PRSS12: variants seen among roughly 807,000 people sequenced by gnomAD.
PRSS12 encodes serine protease 12.
PRSS12 carries 85 observed loss-of-function variants against 104.4 expected under a neutral mutation model. That is an observed-to-expected ratio of 0.81 (90% CI 0.68 to 0.98). PRSS12 has a LOEUF of 0.98. PRSS12 is among the 50% of genes least tolerant of loss of function. The pLI is 0.00. For missense variants in PRSS12, 1,141 were observed against 1,139.2 expected (o/e 1.00, Z -0.02); for synonymous variants, 454 against 425.2 (o/e 1.07, Z -0.83).
chr4:118,316,837 A>AAAAAAAAATATATAT (rs35698159), intron 5 of PRSS12, among the ~76,000 whole-genome samples: 6 of 99,190 alleles, frequency 6.0e-5, no homozygotes, highest in East Asian at 5.6e-4. Context: ...AAAAAAAAAA[A>AAAAAAAAATATATAT]ATATATATAT....
rs772363853 is a variant in PRSS12 at position 118,313,256 on chromosome 4, G to A, written c.1434C>T (p.Arg478=). 23 of 1,613,906 alleles carry A rather than the reference G, an allele frequency of 1.4e-5. No homozygotes were observed. The highest frequency in any genetic ancestry group is 4.5e-5 in the East Asian group (2 of 44,862). The change falls in exon 7 of 13, where the codon CGC becomes CGT. Residue 478 remains arginine (R), a synonymous_variant. Transcript: ENST00000296498. Reference sequence around the variant, plus strand: ...GGTAGCAGGCAATGCTAACATCTTCGCGGTGGCTGCAGTCATGCCTTCCCC... The same window carrying A: ...GGTAGCAGGCAATGCTAACATCTTCACGGTGGCTGCAGTCATGCCTTCCCC... The part of the protein sequence containing the change: ...RQWGRHDCSH[R]EDVSIACYPG...
intron 11 of PRSS12, among the ~76,000 whole-genome samples, chr4:118,294,659 C>T (rs1438369840): frequency 1.3e-5 from 2 of 152,068 alleles, no homozygotes; most frequent in Non-Finnish European, 2.9e-5. Flanking sequence ...GCCTCAGATA[C>T]GTTCTTGGGG....
In PRSS12 at chr4:118,352,185, C is replaced by A. The variant is rs532484606; in HGVS notation, c.502+34G>T. ...CAAGCCTCACTGGCTCCGAGCCCGT[C>A]CGGAGTTTCCGCGGCCGCCCCGAGG... On this transcript the variant is annotated intron_variant, in intron 1 of 12. Transcript: ENST00000296498. 12 of 1,609,254 alleles carry A rather than the reference C, an allele frequency of 7.5e-6. No individual in the cohort carries two copies. In the East Asian group the frequency reaches 2.5e-4, roughly 33 times the overall value.
chr4:118,298,888 G>T lies in PRSS12; in HGVS notation c.1682C>A (p.Pro561His). 3.7e-6 allele frequency: 6 copies of T among 1,614,172 alleles called. No homozygotes were observed. Among genetic ancestry groups the T allele is most frequent in the Non-Finnish European group, 4.2e-6 (5 of 1,180,040 alleles). The change falls in exon 9 of 13, where the codon CCC becomes CAC. Residue 561 changes from proline to histidine, a missense_variant. Transcript: ENST00000296498. The part of the protein sequence containing the change: ...TMAYFGEGKG[P>H]IHVDNVKCTG... ...GCACTTCACATTATCCACATGGATGGGTCCTTTTCCTTCTCCAAAGTAAGC... is the reference window on the plus strand; with the variant it reads ...GCACTTCACATTATCCACATGGATGTGTCCTTTTCCTTCTCCAAAGTAAGC...
intron 1 of PRSS12, among the ~76,000 whole-genome samples, chr4:118,350,435 G>C (rs1305903038): frequency 6.6e-6 from 1 of 152,230 alleles, no homozygotes; most frequent in Non-Finnish European, 1.5e-5. Flanking sequence ...GTAAATGATA[G>C]AATGAGATTG....
At position 118,352,826 on chromosome 4, in the gene PRSS12, GC is replaced by G; in HGVS notation, c.-107del. 1 of 1,489,126 alleles carries G rather than the reference GC, an allele frequency of 6.7e-7. No homozygotes were observed. The highest frequency in any genetic ancestry group is 8.9e-7 in the Non-Finnish European group (1 of 1,117,410). 92.2% of individuals were successfully genotyped at this position (1,489,126 alleles called of 1,614,324 possible). On this transcript the variant is annotated 5_prime_UTR_variant, in exon 1 of 13. Coordinates refer to ENST00000296498, the MANE Select transcript of PRSS12 (RefSeq NM_003619.4). ...GCTGCCGCGTCCCTCGAATCCCCCA[GC>G]CCCCTCCCGCCCCCGCACGCGGACC...
At chr4:118,311,755 C>G (rs936975942) in intron 7 of PRSS12, among the ~76,000 whole-genome samples, 1 of 151,962 alleles carries the variant, frequency 6.6e-6, no homozygotes, top group Non-Finnish European at 1.5e-5. Flanking sequence ...CATCTAGAGT[C>G]CTAGAATTAA....
Position 118,282,003 on chromosome 4 carries a change from T to C in PRSS12, c.2561A>G (p.Asp854Gly). Residue 854 changes from aspartate to glycine, a missense_variant, in exon 13 of 13, where the codon GAT becomes GGT. Physicochemically the swap from Asp to Gly is moderately conservative, Grantham distance 94. Coordinates refer to ENST00000296498, the MANE Select transcript of PRSS12 (RefSeq NM_003619.4). Reference protein sequence around the residue: ...TSWGYGCGVKDSPGVYTKVSA... With the variant: ...TSWGYGCGVKGSPGVYTKVSA... ...GACTTTGGTATAAACACCAGGAGAA[T>C]CCTTGACTCCACAGCCATACCCCCA... The C allele has an allele frequency of 3.1e-6, 5 of 1,593,372 alleles. No individual in the cohort carries two copies. Among genetic ancestry groups the C allele is most frequent in the Non-Finnish European group, 4.3e-6 (5 of 1,161,086 alleles).
intron 4 of PRSS12, 22 bp downstream of exon 4, chr4:118,331,694 A>AAC: frequency 6.2e-7 from 1 of 1,614,068 alleles, no homozygotes; most frequent in Non-Finnish European, 8.5e-7. Context: ...GTTTAAGCAA[A>AAC]ACAAGAGTAG....
At chr4:118,313,509 T>C in intron 6 of PRSS12, 112 bp from the exon 7 acceptor site, 4 of 1,157,356 alleles carry the variant, frequency 3.5e-6, no homozygotes, top group Non-Finnish European at 5.1e-6. Flanking sequence ...AGAGGATAAG[T>C]ATCTGTTCTT....
intron 1 of PRSS12, among the ~76,000 whole-genome samples, chr4:118,344,574 A>G (rs1358020845): frequency 1.3e-5 from 2 of 152,200 alleles, no homozygotes; most frequent in African/African-American, 4.8e-5. Context: ...CCAAGATCCA[A>G]CTGAGCTATA....
chr4:118,297,277 A>G (rs1331759501), intron 9 of PRSS12, among the ~76,000 whole-genome samples: 1 of 152,206 alleles, frequency 6.6e-6, no homozygotes, highest in African/African-American at 2.4e-5. Context: ...AAGATATCAA[A>G]AAGAATATTG....
intron 11 of PRSS12, among the ~76,000 whole-genome samples, chr4:118,294,456 A>C (rs1743208215): frequency 6.6e-6 from 1 of 152,142 alleles, no homozygotes; most frequent in South Asian, 2.1e-4. Context: ...AGGACTGATA[A>C]AATGTTTGGG....
chr4:118,330,170 G>A (rs1723882216), intron 4 of PRSS12, among the ~76,000 whole-genome samples: 1 of 152,056 alleles, frequency 6.6e-6, no homozygotes, highest in Non-Finnish European at 1.5e-5. Flanking sequence ...AGTTTCAGGG[G>A]GAAATCTAAC....
rs962195386 is a variant in PRSS12 at position 118,283,031 on chromosome 4, A to G, written c.2120T>C (p.Ile707Thr). 9.9e-6 allele frequency: 16 copies of G among 1,614,080 alleles called. No individual in the cohort carries two copies. Among genetic ancestry groups the G allele is most frequent in the Non-Finnish European group, 1.3e-5 (15 of 1,179,998 alleles). The stretch of plus-strand genomic sequence containing the variant: ...ATGAATCACAATCTGTTGAACTCCA[A>G]TTTCTTCCTCAAACTCCTCTGGTAC... ...TLVPEEFEEE[I>T]GVQQIVIHRE... Residue 707 changes from isoleucine (I) to threonine (T), a missense_variant, in exon 12 of 13, where the codon ATT becomes ACT. Transcript: ENST00000296498.
At chr4:118,311,068 ATTAAT>A (rs1252035935) in intron 7 of PRSS12, among the ~76,000 whole-genome samples, 1 of 152,084 alleles carries the variant, frequency 6.6e-6, no homozygotes, top group Non-Finnish European at 1.5e-5. Context: ...TAATTAATTA[ATTAAT>A]TAAATTAAGC....
At chr4:118,299,635 G>A (rs983777793) in intron 8 of PRSS12, among the ~76,000 whole-genome samples, 16 of 150,086 alleles carry the variant, frequency 1.1e-4, no homozygotes, top group South Asian at 2.1e-4. Flanking sequence ...AGCCGAGATC[G>A]TGCCATTGCA....
At chr4:118,302,360 C>G (rs1743422961) in intron 8 of PRSS12, among the ~76,000 whole-genome samples, 1 of 152,180 alleles carries the variant, frequency 6.6e-6, no homozygotes, top group African/African-American at 2.4e-5. Flanking sequence ...CTTGAAATCA[C>G]ATTAAATTAG....
chr4:118,328,148 A>G (rs184115047), intron 4 of PRSS12, among the ~76,000 whole-genome samples: 3 of 152,334 alleles, frequency 2.0e-5, no homozygotes, highest in African/African-American at 7.2e-5. Flanking sequence ...TGAGCAAAAC[A>G]AATTATAGAG....
Sources: gnomAD v4.1 joint callset for allele counts (sites outside exome capture counted in the v4.1 genomes callset) on GRCh38, gnomAD v4.1.1 for gene constraint, MANE v1.5 for transcripts, NCBI Gene and HGNC (gene_info 2026-07-23, HGNC 2026-07-21) for gene names.